CAPN6: variants seen among roughly 807,000 people sequenced by gnomAD.
CAPN6 encodes calpain 6, also known as calpain-6.
CAPN6 carries 16 observed loss-of-function variants against 46.0 expected under a neutral mutation model. The ratio of observed to expected loss-of-function variants is 0.35; its 90% confidence interval spans 0.24 to 0.53. The LOEUF (loss-of-function observed/expected upper bound fraction) is 0.53. Ranked by LOEUF, CAPN6 falls within the 20% of genes least tolerant of loss-of-function variation. The pLI, the probability that CAPN6 is intolerant of heterozygous loss-of-function variation, is 0.94. For synonymous variants in CAPN6, 206 were observed against 172.8 expected, an observed-to-expected ratio of 1.19 and a Z score of -1.51; for missense variants, 461 against 498.0, an observed-to-expected ratio of 0.93 and a Z score of 0.71.
rs760708333 is a variant in CAPN6, at chrX:111,248,984, C to T, written c.1232G>A (p.Arg411His). Residue 411 changes from arginine to histidine, a missense_variant, in exon 9 of 13, where the codon CGC (arginine) becomes CAC (histidine). By Grantham distance (29) the Arg-to-His change is conservative (BLOSUM62 0). Transcript: ENST00000324068. ...SLQQKDLRTY[R>H]RMGRPDNYII... ...GTAATTGTCAGGTCTTCCCATTCGG[C>T]GGTAAGTGCGCAGGTCCTTCTGCTG... is the stretch of plus-strand genomic sequence containing the variant. 9.9e-6 allele frequency: 12 copies of T among 1,209,282 alleles called. No individual in the cohort carries two copies. Among genetic ancestry groups the T allele is most frequent in the Middle Eastern group, 2.3e-4 (1 of 4,375 alleles).
rs1406992889 is a variant in CAPN6, at chrX:111,251,223, A to G, written c.957T>C (p.Asp319=). ...CCCCTCCTCACCAAAACTCTCCATC[A>G]TCAGACATAACAAGCCCCAGGTTCT... ...DRKNLGLVMS[D]DGEFWMSLED... The change falls in exon 7 of 13, where the codon GAT becomes GAC. Residue 319 remains aspartate (D), a synonymous_variant. Coordinates refer to ENST00000324068, the MANE Select transcript of CAPN6 (RefSeq NM_014289.4). 8.3e-7 allele frequency: 1 copy of G among 1,210,462 alleles called. No homozygotes were observed. The highest frequency in any genetic ancestry group is 2.2e-5 in the Admixed American group (1 of 45,850).
chrX:111,252,942 C>T (rs2094980930), intron 4 of CAPN6, 66 bp downstream of exon 4: 8 of 966,017 alleles, frequency 8.3e-6, no homozygotes, highest in Middle Eastern at 2.7e-4. Flanking sequence ...AATGAGCTCC[C>T]AAAGATAAAT....
chrX:111,250,828 C>G, intron 8 of CAPN6, 89 bp downstream of exon 8: 1 of 852,219 alleles, frequency 1.2e-6, no homozygotes, highest in Non-Finnish European at 1.7e-6. Context: ...AGATTTGATG[C>G]TAAAGAAATA....
At position 111,251,273 on chromosome X, in the gene CAPN6, G is replaced by A; in HGVS notation, c.907C>T (p.Gln303Ter). 1 of 1,199,861 alleles carries A rather than the reference G, an allele frequency of 8.3e-7. No homozygotes were observed. The highest frequency in any genetic ancestry group is 1.8e-5 in the South Asian group (1 of 55,751). ...GPWSEISEEWQQLTASDRKNL... is the reference protein window; with the variant it reads ...GPWSEISEEW Reference sequence around the variant, plus strand: ...TTGCGATCTGATGCAGTCAGTTGCTGCCACTCTTCAGAACTGAAAGTAAAT... The same window carrying A: ...TTGCGATCTGATGCAGTCAGTTGCTACCACTCTTCAGAACTGAAAGTAAAT... The change falls in exon 7 of 13, where the codon CAG (glutamine) becomes TAG (stop). Residue 303 changes from glutamine (Q) to a stop codon, truncating the protein, a stop_gained. Coordinates refer to ENST00000324068, the MANE Select transcript of CAPN6 (RefSeq NM_014289.4). LOFTEE classifies it high-confidence loss of function.
At chrX:111,255,870 A>G (rs17885738) in intron 2 of CAPN6, among the ~76,000 whole-genome samples, 1,169 of 111,552 alleles carry the variant, frequency 0.01, 22 homozygotes, top group African/African-American at 0.036. Context: ...CATGCCTGGT[A>G]GTTCACAACT....
At chrX:111,247,028 G>A (rs771394151) in intron 12 of CAPN6, among the ~76,000 whole-genome samples, 23 of 111,541 alleles carry the variant, frequency 2.1e-4, no homozygotes, top group Non-Finnish European at 4.0e-4. Flanking sequence ...CAGAAAAACT[G>A]CCAAACTGCA....
In CAPN6 at chrX:111,248,994, G is replaced by T; in HGVS notation, c.1222C>A (p.Arg408Ser). ...VIMSLQQKDL[R>S]TYRRMGRPDN... ...GGTCTTCCCATTCGGCGGTAAGTGC[G>T]CAGGTCCTTCTGCTGCAGTGACATA... The change falls in exon 9 of 13, where the codon CGC becomes AGC. Residue 408 changes from arginine to serine, a missense_variant. By Grantham distance (110) the Arg-to-Ser change is moderately radical (BLOSUM62 -1). Coordinates refer to ENST00000324068, the MANE Select transcript of CAPN6 (RefSeq NM_014289.4). 8.3e-7 allele frequency: 1 copy of T among 1,210,613 alleles called. No homozygotes were observed. Among genetic ancestry groups the T allele is most frequent in the Non-Finnish European group, 1.1e-6 (1 of 894,627 alleles).
At chrX:111,250,888 T>A (rs2094978711) in intron 8 of CAPN6, 29 bp downstream of exon 8, 1 of 1,185,586 alleles carries the variant, frequency 8.4e-7, no homozygotes. Flanking sequence ...CTGGATAACT[T>A]TGAGGCAAAT....
In CAPN6 at chrX:111,247,385, T is replaced by A; in HGVS notation, c.1726A>T (p.Ile576Phe). ...QAIFYRRTTD[I>F]PIIVQVWNSR... ...ACTCTTACCTGTACTATAATAGGAA[T>A]GTCAGTGGTCCTTCTGTAGAAAATG... The change falls in exon 12 of 13, where the codon ATT becomes TTT. Residue 576 changes from isoleucine (I) to phenylalanine (F), a missense_variant. Ile to Phe is a conservative substitution (Grantham distance 21, BLOSUM62 0). Transcript: ENST00000324068. The A allele has an allele frequency of 8.3e-7, 1 of 1,209,453 alleles. No homozygotes were observed. Among genetic ancestry groups the A allele is most frequent in the Non-Finnish European group, 1.1e-6 (1 of 894,409 alleles).
At chrX:111,251,870 G>T in intron 5 of CAPN6, 128 bp from the exon 6 acceptor site, 1 of 522,507 alleles carries the variant, frequency 1.9e-6, no homozygotes, top group Non-Finnish European at 3.1e-6. Flanking sequence ...ATTTCATCCT[G>T]ACACCCAACT....
chrX:111,255,466 A>C (rs1189829546), intron 2 of CAPN6, among the ~76,000 whole-genome samples: 1 of 112,911 alleles, frequency 8.9e-6, no homozygotes. Flanking sequence ...GTTCAAAGGC[A>C]GGAAATACCA....
chrX:111,251,297 ATAG>A lies in CAPN6; in HGVS notation c.894-14_894-12del. ...TGCCACTCTTCAGAACTGAAAGTAA[ATAG>A]AAAAAAAAAAAAAAGATAAATCATT... On this transcript the variant is annotated splice_polypyrimidine_tract_variant and intron_variant, in intron 6 of 12. Coordinates refer to ENST00000324068, the MANE Select transcript of CAPN6 (RefSeq NM_014289.4). The A allele has an allele frequency of 8.6e-7, 1 of 1,159,716 alleles. No homozygotes were observed. The highest frequency in any genetic ancestry group is 2.4e-5 in the Admixed American group (1 of 41,474).
intron 1 of CAPN6, among the ~76,000 whole-genome samples, chrX:111,267,121 C>T (rs1294476661): frequency 9.0e-6 from 1 of 111,633 alleles, no homozygotes; most frequent in Non-Finnish European, 1.9e-5. Context: ...AGGGAGAGCC[C>T]TTACGTTAAA....
chrX:111,254,821 A>C (rs757559231), intron 2 of CAPN6, among the ~76,000 whole-genome samples: 15 of 111,662 alleles, frequency 1.3e-4, no homozygotes, highest in African/African-American at 2.3e-4. Flanking sequence ...TGGAAGGGAG[A>C]TTGTATTAAA....
At chrX:111,251,996 G>A (rs1050387826) in intron 5 of CAPN6, among the ~76,000 whole-genome samples, 1 of 112,100 alleles carries the variant, frequency 8.9e-6, no homozygotes, top group African/African-American at 3.2e-5. Flanking sequence ...AATTTGATGG[G>A]GCAGATTCAT....
At chrX:111,258,378 C>T (rs1450234206) in intron 2 of CAPN6, among the ~76,000 whole-genome samples, 2 of 111,683 alleles carry the variant, frequency 1.8e-5, no homozygotes, top group Non-Finnish European at 3.8e-5. Context: ...GTCAGGCCTG[C>T]AGTAGGTATA....
At position 111,264,682 on chromosome X, in the gene CAPN6, C is replaced by A. The variant is rs1459017726; in HGVS notation, c.-15-731G>T. On this transcript the variant is annotated intron_variant, in intron 1 of 12. Coordinates refer to ENST00000324068, the MANE Select transcript of CAPN6 (RefSeq NM_014289.4). ...TGGGCTATAGATTGTTATCCCATGG[C>A]AATACACTCTTGCTTTCTTTTCTTT... is the stretch of plus-strand genomic sequence containing the variant. Among the ~76,000 whole-genome samples, 7 of 105,767 alleles carry A rather than the reference C, an allele frequency of 6.6e-5. No homozygotes were observed. In the Admixed American group the frequency reaches 7.0e-4, roughly 11 times the overall value. 91.8% of individuals were successfully genotyped at this position (105,767 alleles called of 115,157 possible). A position where few individuals can be genotyped will look rare whatever the true frequency, so the allele number is the denominator to read the frequency against.
At chrX:111,247,737 C>T (rs1603408163) in intron 11 of CAPN6, 134 bp downstream of exon 11, 4 of 759,428 alleles carry the variant, frequency 5.3e-6, no homozygotes, top group Non-Finnish European at 1.9e-6. Flanking sequence ...CCATCCTCTG[C>T]CATGGTTGCC....
chrX:111,264,777 A>G (rs2094990563), intron 1 of CAPN6, among the ~76,000 whole-genome samples: 1 of 110,966 alleles, frequency 9.0e-6, no homozygotes, highest in Non-Finnish European at 1.9e-5. Flanking sequence ...GTGGCTCTTC[A>G]AGCAATGTCT....
Sources: allele counts gnomAD v4.1 joint callset (sites outside exome capture counted in the v4.1 genomes callset), GRCh38; gene constraint gnomAD v4.1.1; transcripts MANE v1.5; gene names NCBI Gene and HGNC (gene_info 2026-07-23, HGNC 2026-07-21).